The following ADAMTSL1 variants were observed in gnomAD, a reference collection of about 807,000 sequenced individuals.
The protein encoded by ADAMTSL1 is ADAMTS like 1, also known as ADAMTS-like protein 1.
A neutral mutation model predicts 201.8 loss-of-function variants in ADAMTSL1; 126 were observed. The observed-to-expected ratio is 0.62, with a 90% confidence interval of 0.54 to 0.72. The LOEUF (loss-of-function observed/expected upper bound fraction) is 0.72. ADAMTSL1 is among the 30% of genes least tolerant of loss of function. ADAMTSL1 has a pLI of 0.00. For missense variants in ADAMTSL1, 2,679 were observed against 2,277.8 expected, an observed-to-expected ratio of 1.18 and a Z score of -3.59; for synonymous variants, 1,121 against 903.4, an observed-to-expected ratio of 1.24 and a Z score of -4.32.
At chr9:18,516,649 A>T (rs988202011) in intron 2 of ADAMTSL1, among the ~76,000 whole-genome samples, 2 of 152,228 alleles carry the variant, frequency 1.3e-5, no homozygotes, top group African/African-American at 4.8e-5. Context: ...TACTTGTATG[A>T]CATTGGACTA....
At position 18,670,309 on chromosome 9, in the gene ADAMTSL1, G is replaced by A. The variant is rs556425241; in HGVS notation, c.1086-5548G>A. Among the ~76,000 whole-genome samples the A allele has an allele frequency of 3.9e-5, 6 of 152,336 alleles. No individual in the cohort carries two copies. In the South Asian group the frequency reaches 1.2e-3, roughly 32 times the overall value. On this transcript the variant is annotated intron_variant, in intron 9 of 28. Coordinates refer to ENST00000380548, the MANE Select transcript of ADAMTSL1 (RefSeq NM_001040272.6). ...GTATCTGAAAGACACATGAGAAAGA[G>A]AGAAGAGAAGATCTTGTTAAAAGCT...
intron 2 of ADAMTSL1, among the ~76,000 whole-genome samples, chr9:18,347,761 A>G (rs1233324353): frequency 2.0e-5 from 3 of 152,146 alleles, no homozygotes; most frequent in Non-Finnish European, 4.4e-5. Context: ...CTGGTGAGCA[A>G]TGGGTCCACC....
chr9:18,834,518 G>A (rs1402329655), intron 23 of ADAMTSL1, among the ~76,000 whole-genome samples: 2 of 152,068 alleles, frequency 1.3e-5, no homozygotes, highest in African/African-American at 4.8e-5. Flanking sequence ...AAAATATGAT[G>A]TTTTGATATA....
intron 1 of ADAMTSL1, among the ~76,000 whole-genome samples, chr9:18,034,992 T>A (rs1821129982): frequency 6.6e-6 from 1 of 152,224 alleles, no homozygotes; most frequent in South Asian, 2.1e-4. Context: ...TCTAGTTCCT[T>A]CTCTGTTATG....
chr9:18,600,568 G>A (rs1001583235), intron 4 of ADAMTSL1, among the ~76,000 whole-genome samples: 1 of 152,016 alleles, frequency 6.6e-6, no homozygotes, highest in African/African-American at 2.4e-5. Context: ...ACTGGTTTTT[G>A]GGTTTCTATG....
At chr9:18,021,441 T>C (rs1010395430) in intron 1 of ADAMTSL1, among the ~76,000 whole-genome samples, 2 of 152,158 alleles carry the variant, frequency 1.3e-5, no homozygotes, top group African/African-American at 4.8e-5. Flanking sequence ...TGGAGATTAA[T>C]TTATCTTTTC....
intron 1 of ADAMTSL1, among the ~76,000 whole-genome samples, chr9:17,920,004 T>C (rs1826243359): frequency 6.6e-6 from 1 of 152,154 alleles, no homozygotes; most frequent in African/African-American, 2.4e-5. Context: ...ACCTTTTGAT[T>C]ATAGCCATCC....
intron 2 of ADAMTSL1, among the ~76,000 whole-genome samples, chr9:18,446,970 C>G (rs962266521): frequency 6.6e-6 from 1 of 151,550 alleles, no homozygotes; most frequent in Non-Finnish European, 1.5e-5. Context: ...TTAACATGAA[C>G]ATTTTTTTTT....
intron 20 of ADAMTSL1, among the ~76,000 whole-genome samples, chr9:18,807,979 T>A (rs190705290): frequency 9.8e-5 from 15 of 152,310 alleles, no homozygotes; most frequent in Admixed American, 2.6e-4. Context: ...ACAGCAGTAA[T>A]CTATTAGTAG....
intron 2 of ADAMTSL1, among the ~76,000 whole-genome samples, chr9:18,399,298 T>G (rs1268223208): frequency 2.0e-5 from 2 of 102,046 alleles, no homozygotes; most frequent in African/African-American, 8.1e-5. Context: ...TATATATATA[T>G]ATATATATAT....
chr9:18,830,350 A>T (rs1328869794), intron 23 of ADAMTSL1, among the ~76,000 whole-genome samples: 1 of 152,180 alleles, frequency 6.6e-6, no homozygotes. Context: ...GTACTCCTCC[A>T]TGATCCCCTG....
intron 26 of ADAMTSL1, among the ~76,000 whole-genome samples, chr9:18,902,362 A>G (rs1347249118): frequency 1.3e-5 from 2 of 152,196 alleles, no homozygotes; most frequent in Non-Finnish European, 2.9e-5. Flanking sequence ...TGTTATGCCA[A>G]AAAATAATTC....
At chr9:18,530,870 C>T (rs1429114357) in intron 2 of ADAMTSL1, among the ~76,000 whole-genome samples, 2 of 152,138 alleles carry the variant, frequency 1.3e-5, no homozygotes, top group African/African-American at 4.8e-5. Context: ...ACTGGGTACT[C>T]TTAATCACTG....
rs147530528 is a variant in ADAMTSL1, at chr9:18,672,963, A to G, written c.1086-2894A>G. Among the ~76,000 whole-genome samples, 968 of 152,322 alleles carry G rather than the reference A, an allele frequency of 6.4e-3. 10 individuals carry two copies. The highest frequency in any genetic ancestry group is 0.022 in the African/African-American group (921 of 41,566). Reference sequence around the variant, plus strand: ...TGTTACTGCCCAGTGTAAGAGAAACAATGTAAGAACTGTGTGCCTGGTGGT... The same window carrying G: ...TGTTACTGCCCAGTGTAAGAGAAACGATGTAAGAACTGTGTGCCTGGTGGT... On this transcript the variant is annotated intron_variant, in intron 9 of 28. Coordinates refer to ENST00000380548, the MANE Select transcript of ADAMTSL1 (RefSeq NM_001040272.6).
chr9:18,543,518 A>G (rs910734198), intron 3 of ADAMTSL1, among the ~76,000 whole-genome samples: 2 of 152,152 alleles, frequency 1.3e-5, no homozygotes, highest in Non-Finnish European at 2.9e-5. Flanking sequence ...TCTAAATGCA[A>G]TTGTACAGCA....
chr9:18,607,091 T>C (rs894278881), intron 4 of ADAMTSL1, among the ~76,000 whole-genome samples: 1 of 152,300 alleles, frequency 6.6e-6, no homozygotes, highest in East Asian at 1.9e-4. Flanking sequence ...AAAAGAATTT[T>C]GAAATTGAGG....
At chr9:18,153,668 T>C (rs1827019863) in intron 1 of ADAMTSL1, among the ~76,000 whole-genome samples, 1 of 152,040 alleles carries the variant, frequency 6.6e-6, no homozygotes, top group Non-Finnish European at 1.5e-5. Flanking sequence ...GTGACTTTGA[T>C]GACTTGTAAA....
intron 2 of ADAMTSL1, among the ~76,000 whole-genome samples, chr9:18,373,051 C>G (rs969819385): frequency 6.6e-6 from 1 of 152,072 alleles, no homozygotes; most frequent in Non-Finnish European, 1.5e-5. Context: ...TTAGGGAATC[C>G]CTTACCTTTT....
chr9:18,216,172 C>T (rs554200772), intron 2 of ADAMTSL1, among the ~76,000 whole-genome samples: 1 of 152,266 alleles, frequency 6.6e-6, no homozygotes, highest in South Asian at 2.1e-4. Context: ...AATAAAATTA[C>T]TAGGCTTGTG....
Sources: allele counts gnomAD v4.1 joint callset (sites outside exome capture counted in the v4.1 genomes callset), GRCh38; gene constraint gnomAD v4.1.1; transcripts MANE v1.5; gene names NCBI Gene and HGNC (gene_info 2026-07-23, HGNC 2026-07-21).